The following ODR4 variants were observed in gnomAD, a reference collection of about 807,000 sequenced individuals.
ODR4 encodes protein odr-4 homolog.
Under a neutral mutation model 60.2 loss-of-function variants are expected in ODR4, and 47 were observed. The ratio of observed to expected loss-of-function variants is 0.78; its 90% CI spans 0.62 to 1.00. The LOEUF (loss-of-function observed/expected upper bound fraction) is 1.00. Ranked by LOEUF, ODR4 falls within the 50% of genes least tolerant of loss-of-function variation. The probability of loss-of-function intolerance (pLI) is 0.00; values close to 1 mark genes in which losing one functional copy is unlikely to be tolerated. For synonymous variants in ODR4, 178 were observed against 175.5 expected, an observed-to-expected ratio of 1.01 and a Z score of -0.11; for missense variants, 488 against 530.8, an observed-to-expected ratio of 0.92 and a Z score of 0.79.
At chr1:186,394,557 A>T (rs1023108345) in intron 9 of ODR4, among the ~76,000 whole-genome samples, 6 of 152,200 alleles carry the variant, frequency 3.9e-5, no homozygotes, top group Non-Finnish European at 8.8e-5. Context: ...TATTCCTAAA[A>T]ATACATACCT....
intron 9 of ODR4, among the ~76,000 whole-genome samples, chr1:186,397,523 T>A (rs186128753): frequency 3.9e-5 from 6 of 152,286 alleles, no homozygotes; most frequent in Non-Finnish European, 5.9e-5. Context: ...GGATTTTTTT[T>A]AGATTTTGTA....
At chr1:186,411,138 G>A (rs188457854) in intron 12 of ODR4, among the ~76,000 whole-genome samples, 225 of 151,940 alleles carry the variant, frequency 1.5e-3, no homozygotes, top group African/African-American at 4.4e-3. Context: ...TTTGAGCACC[G>A]ATATGATGCT....
intron 12 of ODR4, among the ~76,000 whole-genome samples, chr1:186,416,625 C>T (rs1287700564): frequency 1.3e-5 from 2 of 151,534 alleles, no homozygotes; most frequent in East Asian, 3.9e-4. Context: ...TGAGCTGAGA[C>T]CACGCCATTG....
chr1:186,397,579 C>G (rs973896183), intron 9 of ODR4, among the ~76,000 whole-genome samples: 19 of 152,120 alleles, frequency 1.2e-4, no homozygotes, highest in Non-Finnish European at 2.9e-5. Context: ...AGCCAAAAAT[C>G]TAAAATCTTA....
At chr1:186,429,167 C>T in the ODR4 span, among the ~76,000 whole-genome samples, 36 of 152,238 alleles carry the variant, frequency 2.4e-4, no homozygotes, top group African/African-American at 7.5e-4. Flanking sequence ...GGGAAGACCA[C>T]CTAAGCCTGG....
chr1:186,401,490 T>C (rs368872364), intron 11 of ODR4: 65 of 200,400 alleles, frequency 3.2e-4, no homozygotes, highest in African/African-American at 1.3e-3. Context: ...CTTTCTCTCT[T>C]TCTTTCTTTC....
chr1:186,379,539 T>C (rs1005204347), intron 1 of ODR4, among the ~76,000 whole-genome samples: 4 of 152,112 alleles, frequency 2.6e-5, no homozygotes, highest in Admixed American at 2.6e-4. Flanking sequence ...TGATCTCTCA[T>C]GTCAACTCTG....
At chr1:186,391,658 T>C in intron 7 of ODR4, 38 bp from the exon 8 acceptor site, 1 of 1,285,000 alleles carries the variant, frequency 7.8e-7, no homozygotes, top group Non-Finnish European at 1.1e-6. Flanking sequence ...TGAGATGGCA[T>C]TGTATCTGAA....
downstream of ODR4, among the ~76,000 whole-genome samples, chr1:186,426,280 G>A (rs1004596543): frequency 1.3e-5 from 2 of 152,252 alleles, no homozygotes; most frequent in African/African-American, 4.8e-5. Flanking sequence ...GTGGCTTAAA[G>A]CAACCATTTT....
At chr1:186,427,995 A>G in the ODR4 span, among the ~76,000 whole-genome samples, 1 of 152,236 alleles carries the variant, frequency 6.6e-6, no homozygotes, top group Non-Finnish European at 1.5e-5. Context: ...TCATTGGTAG[A>G]GCATGGACAA....
At chr1:186,376,107 T>G (rs994074125) in intron 1 of ODR4, 133 bp downstream of exon 1, 13 of 152,286 alleles carry the variant, frequency 8.5e-5, no homozygotes, top group African/African-American at 2.9e-4. Context: ...GAACTTACCT[T>G]GTGTGAAACG....
chr1:186,432,268 T>C, the ODR4 span, among the ~76,000 whole-genome samples: 1 of 152,184 alleles, frequency 6.6e-6, no homozygotes, highest in Non-Finnish European at 1.5e-5. Context: ...ACATACACTG[T>C]TGGATTTGAC....
In ODR4 at chr1:186,414,505, G is replaced by A. The variant is rs577894750; in HGVS notation, c.1187-3039G>A. 5.4e-4 allele frequency among the ~76,000 whole-genome samples: 81 copies of A among 150,678 alleles called. No homozygotes were observed. In the South Asian group the frequency reaches 0.016, roughly 31 times the overall value. On this transcript the variant is annotated intron_variant, in intron 12 of 13. Transcript: ENST00000287859. ...ATAAGGATTTTATTGGCCCAAATAT[G>A]GGGGAAAAAAACAAAAACCTTTTTT...
chr1:186,421,131 C>G lies in ODR4; in HGVS notation c.*2055C>G, dbSNP rs1661758193. 6.6e-6 allele frequency: 1 copy of G among 152,126 alleles called. No individual in the cohort carries two copies. Among genetic ancestry groups the G allele is most frequent in the African/African-American group, 2.4e-5 (1 of 41,428 alleles). 9.4% of individuals were successfully genotyped at this position (152,126 alleles called of 1,614,324 possible). On this transcript the variant is annotated 3_prime_UTR_variant, in exon 14 of 14. Coordinates refer to ENST00000287859, the MANE Select transcript of ODR4 (RefSeq NM_017847.6). ...TTGCAACAAGCGAAACTGAAACAAA[C>G]AGATGCTCAGATGAAAAACAGATGT...
At chr1:186,429,828 A>G in the ODR4 span, among the ~76,000 whole-genome samples, 1 of 152,176 alleles carries the variant, frequency 6.6e-6, no homozygotes, top group East Asian at 1.9e-4. Context: ...TCTGATTTTA[A>G]CCTAATAAAT....
intron 1 of ODR4, 24 bp from the exon 2 acceptor site, chr1:186,379,743 G>T: frequency 8.0e-7 from 1 of 1,245,302 alleles, no homozygotes; most frequent in Admixed American, 2.2e-5. Flanking sequence ...CCTAAATGCT[G>T]TATCTTTTCT....
intron 3 of ODR4, among the ~76,000 whole-genome samples, chr1:186,384,015 G>T (rs1258620896): frequency 6.6e-6 from 1 of 152,176 alleles, no homozygotes; most frequent in Non-Finnish European, 1.5e-5. Flanking sequence ...CTCCAGACTG[G>T]GCGACAAAGC....
At chr1:186,378,681 C>A (rs1159943316) in intron 1 of ODR4, among the ~76,000 whole-genome samples, 14 of 152,152 alleles carry the variant, frequency 9.2e-5, no homozygotes, top group Admixed American at 9.2e-4. Flanking sequence ...GAATTTAAGT[C>A]CCTCCTTTGC....
intron 11 of ODR4, among the ~76,000 whole-genome samples, chr1:186,404,693 A>G (rs1232060281): frequency 2.0e-5 from 3 of 152,246 alleles, no homozygotes; most frequent in African/African-American, 7.2e-5. Flanking sequence ...ACAAGATAAT[A>G]CACAGAATCT....
Sources: allele counts gnomAD v4.1 joint callset (sites outside exome capture counted in the v4.1 genomes callset), GRCh38; gene constraint gnomAD v4.1.1; transcripts MANE v1.5; gene names NCBI Gene and HGNC (gene_info 2026-07-23, HGNC 2026-07-21).